Variants in ASTN1 observed in about 807,000 individuals in gnomAD.
ASTN1 encodes the protein astrotactin 1, also known as astrotactin-1.
ASTN1 carries 41 observed loss-of-function variants against 140.7 expected under a neutral mutation model. The observed-to-expected ratio is 0.29, with a 90% CI of 0.23 to 0.38. The LOEUF is 0.38. Ranked by LOEUF, ASTN1 falls within the 10% of genes least tolerant of loss-of-function variation. The pLI is 1.00. For synonymous variants in ASTN1, 640 were observed against 652.2 expected (o/e 0.98, Z 0.29); for missense variants, 1,479 against 1,678.8 (o/e 0.88, Z 2.08).
chr1:177,010,212 T>C (rs1306544369), intron 8 of ASTN1, among the ~76,000 whole-genome samples: 1 of 152,180 alleles, frequency 6.6e-6, no homozygotes, highest in Non-Finnish European at 1.5e-5. Context: ...CTTGTTGTCC[T>C]AGCAAACAAA....
At chr1:177,114,991 G>C (rs1216554981) in intron 1 of ASTN1, among the ~76,000 whole-genome samples, 1 of 151,994 alleles carries the variant, frequency 6.6e-6, no homozygotes, top group Non-Finnish European at 1.5e-5. Context: ...GCAGAGAGCA[G>C]AAGCAGGAGG....
At chr1:177,155,977 A>T (rs1351961278) in intron 1 of ASTN1, among the ~76,000 whole-genome samples, 2 of 152,122 alleles carry the variant, frequency 1.3e-5, no homozygotes, top group Non-Finnish European at 2.9e-5. Context: ...CCTCCAATTA[A>T]AAGAATGATG....
At chr1:176,898,809 C>T (rs1344097709) in intron 16 of ASTN1, among the ~76,000 whole-genome samples, 1 of 152,204 alleles carries the variant, frequency 6.6e-6, no homozygotes, top group African/African-American at 2.4e-5. Flanking sequence ...CCTCTTCTAC[C>T]CTCTAGAGTC....
At chr1:176,991,694 T>A (rs535630036) in intron 8 of ASTN1, among the ~76,000 whole-genome samples, 8 of 152,302 alleles carry the variant, frequency 5.3e-5, no homozygotes, top group African/African-American at 1.7e-4. Context: ...TTCATAATCC[T>A]GCAGAAGGGC....
At chr1:177,068,781 T>C (rs1290905385) in intron 1 of ASTN1, among the ~76,000 whole-genome samples, 1 of 151,992 alleles carries the variant, frequency 6.6e-6, no homozygotes, top group Non-Finnish European at 1.5e-5. Flanking sequence ...AGACGTTTTC[T>C]CTTGGAGTTT....
chr1:177,023,784 T>C (rs1445868222), intron 6 of ASTN1, among the ~76,000 whole-genome samples: 1 of 152,162 alleles, frequency 6.6e-6, no homozygotes, highest in Non-Finnish European at 1.5e-5. Context: ...CATTGAACTC[T>C]CCAGCAATGG....
intron 2 of ASTN1, among the ~76,000 whole-genome samples, chr1:177,044,050 C>T (rs1208105701): frequency 3.3e-5 from 5 of 152,092 alleles, no homozygotes; most frequent in African/African-American, 9.7e-5. Context: ...GGACGGGCTT[C>T]GTTAAGCCAC....
intron 16 of ASTN1, among the ~76,000 whole-genome samples, chr1:176,915,604 C>T (rs1020788578): frequency 6.6e-5 from 10 of 152,176 alleles, no homozygotes; most frequent in African/African-American, 2.2e-4. Context: ...CACCTGCTGT[C>T]GTACACAGCT....
chr1:176,952,942 A>C (rs567646575), intron 11 of ASTN1, among the ~76,000 whole-genome samples: 1 of 152,322 alleles, frequency 6.6e-6, no homozygotes, highest in African/African-American at 2.4e-5. Context: ...TTAAGAAGAA[A>C]ACTCCATTTA....
rs186381548 is a variant in ASTN1, at chr1:177,017,208, C to T, written c.1439-2333G>A. On this transcript the variant is annotated intron_variant, in intron 7 of 22. Coordinates refer to ENST00000361833, the MANE Select transcript of ASTN1 (RefSeq NM_004319.3). The stretch of plus-strand genomic sequence containing the variant: ...CTTATGAGGCTTCCGTCACTCATTA[C>T]AATGTGGGGACATACTGCCGACAAC... Among the ~76,000 whole-genome samples the T allele has an allele frequency of 5.3e-5, 8 of 152,344 alleles. No individual in the cohort carries two copies. In the Middle Eastern group the frequency reaches 0.01, roughly 194 times the overall value.
intron 7 of ASTN1, among the ~76,000 whole-genome samples, chr1:177,018,476 G>A (rs1025702003): frequency 6.6e-6 from 1 of 152,206 alleles, no homozygotes; most frequent in Non-Finnish European, 1.5e-5. Flanking sequence ...CCCTCAACAG[G>A]TTTACACATT....
At chr1:176,995,850 A>G (rs1328813414) in intron 8 of ASTN1, among the ~76,000 whole-genome samples, 1 of 152,178 alleles carries the variant, frequency 6.6e-6, no homozygotes, top group Non-Finnish European at 1.5e-5. Context: ...AGTGAGAGAT[A>G]AAATGCCAGC....
downstream of ASTN1, among the ~76,000 whole-genome samples, chr1:176,859,894 T>C (rs1667913627): frequency 6.6e-6 from 1 of 152,156 alleles, no homozygotes; most frequent in Non-Finnish European, 1.5e-5. Context: ...TGCAGGGTGA[T>C]TATTCTCTTT....
At chr1:176,916,621 A>G (rs1670495943) in intron 16 of ASTN1, among the ~76,000 whole-genome samples, 7 of 151,942 alleles carry the variant, frequency 4.6e-5, no homozygotes. Context: ...TATTTCCTAA[A>G]TTAACGTCAT....
chr1:176,886,254 C>T (rs958458967), intron 18 of ASTN1, among the ~76,000 whole-genome samples: 9 of 152,168 alleles, frequency 5.9e-5, no homozygotes, highest in African/African-American at 2.2e-4. Context: ...CCTTAATAGA[C>T]ATTTACTGTT....
chr1:177,030,974 C>A (rs768898327), intron 3 of ASTN1, 22 bp from the exon 4 acceptor site: 4 of 1,594,014 alleles, frequency 2.5e-6, no homozygotes, highest in African/African-American at 1.3e-5. Flanking sequence ...AAAGACGAGG[C>A]AAAAACTTTA....
intron 1 of ASTN1, among the ~76,000 whole-genome samples, chr1:177,085,936 A>G (rs770175246): frequency 1.3e-5 from 2 of 152,156 alleles, no homozygotes; most frequent in Non-Finnish European, 2.9e-5. Flanking sequence ...GTCCAAGTCC[A>G]TTGGGTTAGT....
chr1:176,967,686 T>C (rs1672942549), intron 8 of ASTN1, among the ~76,000 whole-genome samples: 1 of 152,172 alleles, frequency 6.6e-6, no homozygotes. Context: ...CACAAATAAA[T>C]CTGTATTCAA....
chr1:177,157,134 T>C (rs867628582), intron 1 of ASTN1, among the ~76,000 whole-genome samples: 8 of 152,340 alleles, frequency 5.3e-5, no homozygotes, highest in Middle Eastern at 3.4e-3. Flanking sequence ...GAATACAGTG[T>C]AGACTTTTGT....
Sources: gnomAD v4.1 joint callset for allele counts (sites outside exome capture counted in the v4.1 genomes callset) on GRCh38, gnomAD v4.1.1 for gene constraint, MANE v1.5 for transcripts, NCBI Gene and HGNC (gene_info 2026-07-23, HGNC 2026-07-21) for gene names.